The following ARHGAP31 variants were observed in gnomAD, a reference collection of about 807,000 sequenced individuals.
ARHGAP31 encodes the protein rho GTPase-activating protein 31.
In ARHGAP31, 34 loss-of-function variants were observed where a neutral mutation model predicts 113.9. The observed-to-expected ratio is 0.30, with a 90% CI of 0.23 to 0.40. ARHGAP31 has a LOEUF of 0.40. Among genes scored for constraint, ARHGAP31 ranks in the 10% least tolerant of loss-of-function variants. ARHGAP31 has a pLI of 1.00. For synonymous variants in ARHGAP31, 650 were observed against 684.8 expected, an observed-to-expected ratio of 0.95 and a Z score of 0.79; for missense variants, 1,548 against 1,767.1, an observed-to-expected ratio of 0.88 and a Z score of 2.22.
intron 3 of ARHGAP31, among the ~76,000 whole-genome samples, chr3:119,373,302 T>C (rs2080318258): frequency 6.6e-6 from 1 of 152,084 alleles, no homozygotes; most frequent in African/African-American, 2.4e-5. Context: ...CGAAGGACCT[T>C]GATAGATAAT....
intron 1 of ARHGAP31, among the ~76,000 whole-genome samples, chr3:119,306,391 T>TA (rs1052287710): frequency 4.6e-5 from 7 of 151,966 alleles, no homozygotes; most frequent in Non-Finnish European, 1.0e-4. Flanking sequence ...CCATCTCTAC[T>TA]AAAAAAATTA....
intron 6 of ARHGAP31, among the ~76,000 whole-genome samples, chr3:119,390,094 T>C (rs1254232596): frequency 6.6e-6 from 1 of 152,060 alleles, no homozygotes; most frequent in Non-Finnish European, 1.5e-5. Context: ...ACCACTGACT[T>C]GGAGAAAAGA....
rs764336285 is a variant in ARHGAP31 at position 119,393,590 on chromosome 3, G to A, written c.1005G>A (p.Ser335=). 24 of 1,613,982 alleles carry A rather than the reference G, an allele frequency of 1.5e-5. No individual in the cohort carries two copies. The highest frequency in any genetic ancestry group is 5.0e-5 in the Admixed American group (3 of 60,018). The change falls in exon 8 of 12, where the codon TCG becomes TCA. Residue 335 remains serine (S), a splice_region_variant and synonymous_variant. Transcript: ENST00000264245. ...TATTTGTGAGAGGACAGAGGCTCTC[G>A]GGTAAGAATCAACAGCAATTGTTTT... ...GSVFVRGQRL[S]VEKATIRPAK... is the part of the protein sequence containing the mutation.
At chr3:119,363,120 C>CAACCATAG (rs1224864977) in intron 1 of ARHGAP31, among the ~76,000 whole-genome samples, 1 of 152,040 alleles carries the variant, frequency 6.6e-6, no homozygotes, top group African/African-American at 2.4e-5. Flanking sequence ...TCTGCACTCT[C>CAACCATAG]AACCATAGAC....
intron 3 of ARHGAP31, among the ~76,000 whole-genome samples, chr3:119,369,811 C>T (rs554677917): frequency 6.6e-6 from 1 of 152,032 alleles, no homozygotes; most frequent in Non-Finnish European, 1.5e-5. Context: ...GTTTCTTTAA[C>T]TTTCATAAGT....
In ARHGAP31 at chr3:119,415,313, T is replaced by C; in HGVS notation, c.3384T>C (p.Ser1128=). 6.2e-7 allele frequency: 1 copy of C among 1,614,182 alleles called. No individual in the cohort carries two copies. Among genetic ancestry groups the C allele is most frequent in the Non-Finnish European group, 8.5e-7 (1 of 1,180,032 alleles). The change falls in exon 12 of 12, where the codon AGT becomes AGC. Residue 1128 remains serine, a synonymous_variant. Transcript: ENST00000264245. ...LFWFENVASF[S]SPGMQVSEPG... ...GGTTTGAGAATGTGGCCTCATTTAG[T>C]TCACCTGGAATGCAGGTCTCTGAGC...
intron 1 of ARHGAP31, among the ~76,000 whole-genome samples, chr3:119,296,752 CA>C (rs147252007): frequency 4.0e-5 from 6 of 150,132 alleles, no homozygotes; most frequent in Admixed American, 6.6e-5. Context: ...TTCATTTAGA[CA>C]AAAAAAAACA....
intron 1 of ARHGAP31, among the ~76,000 whole-genome samples, chr3:119,315,568 G>A (rs892900865): frequency 6.6e-6 from 1 of 152,174 alleles, no homozygotes; most frequent in Non-Finnish European, 1.5e-5. Context: ...CAGCTTCCCC[G>A]CTGCCACCTC....
chr3:119,325,066 G>GC, intron 1 of ARHGAP31: 1 of 431,630 alleles, frequency 2.3e-6, no homozygotes. Context: ...CACTCTCAGT[G>GC]TGTTTGGTGC....
chr3:119,374,590 C>T (rs1559983801), intron 3 of ARHGAP31, among the ~76,000 whole-genome samples: 1 of 152,142 alleles, frequency 6.6e-6, no homozygotes, highest in Non-Finnish European at 1.5e-5. Context: ...GCAGTTTTCC[C>T]TCATGCTGTT....
intron 9 of ARHGAP31, 47 bp from the exon 10 acceptor site, chr3:119,401,775 G>GT: frequency 7.6e-6 from 12 of 1,586,996 alleles, no homozygotes; most frequent in Non-Finnish European, 1.0e-5. Context: ...GCCTGCTATT[G>GT]TATGTGTGCC....
intron 1 of ARHGAP31, among the ~76,000 whole-genome samples, chr3:119,300,830 CAAA>C (rs1180971088): frequency 1.1e-5 from 1 of 88,442 alleles, no homozygotes; most frequent in Non-Finnish European, 2.3e-5. Context: ...GACTCCATCT[CAAA>C]AAAAAAAAAA....
At position 119,383,076 on chromosome 3, in the gene ARHGAP31, C is replaced by A; in HGVS notation, c.540-8C>A. The stretch of plus-strand genomic sequence containing the variant: ...TCACTAACTGAATATGTTTCTTCCA[C>A]ACGGTAGGTCTAAAGAAATTGAAGC... On this transcript the variant is annotated splice_region_variant and splice_polypyrimidine_tract_variant and intron_variant, in intron 5 of 11. Transcript: ENST00000264245. 6.2e-7 allele frequency: 1 copy of A among 1,614,092 alleles called. No homozygotes were observed. The highest frequency in any genetic ancestry group is 8.5e-7 in the Non-Finnish European group (1 of 1,180,040).
intron 1 of ARHGAP31, among the ~76,000 whole-genome samples, chr3:119,339,731 A>G (rs2079991498): frequency 6.6e-6 from 1 of 150,392 alleles, no homozygotes; most frequent in Non-Finnish European, 1.5e-5. Flanking sequence ...GGCCAAAAAA[A>G]ATGAACCTTA....
At chr3:119,330,954 G>T (rs575219346) in intron 1 of ARHGAP31, among the ~76,000 whole-genome samples, 90 of 152,324 alleles carry the variant, frequency 5.9e-4, no homozygotes, top group Non-Finnish European at 4.9e-4. Context: ...TTGCTTTCAA[G>T]CTACTTTCCT....
At chr3:119,316,994 A>G (rs1407559392) in intron 1 of ARHGAP31, among the ~76,000 whole-genome samples, 1 of 151,754 alleles carries the variant, frequency 6.6e-6, no homozygotes, top group Non-Finnish European at 1.5e-5. Flanking sequence ...TTCTGCAATC[A>G]GGTTTACTCC....
At chr3:119,325,888 G>A (rs2079837503) in intron 1 of ARHGAP31, among the ~76,000 whole-genome samples, 1 of 152,166 alleles carries the variant, frequency 6.6e-6, no homozygotes, top group Non-Finnish European at 1.5e-5. Flanking sequence ...CTAGGCATTG[G>A]TATTTTTAAA....
Position 119,294,808 on chromosome 3 carries a change from G to C in ARHGAP31, c.-97G>C. ...TCTTCCGATGCGGCCCCCCAGAGCCGCGGGGCAGCCGGTGATCTAGCCCGG... is the reference window on the plus strand; with the variant it reads ...TCTTCCGATGCGGCCCCCCAGAGCCCCGGGGCAGCCGGTGATCTAGCCCGG... On this transcript the variant is annotated 5_prime_UTR_variant, in exon 1 of 12. Coordinates refer to ENST00000264245, the MANE Select transcript of ARHGAP31 (RefSeq NM_020754.4). 8.4e-7 allele frequency: 1 copy of C among 1,188,020 alleles called. No individual in the cohort carries two copies. The highest frequency in any genetic ancestry group is 1.3e-6 in the Non-Finnish European group (1 of 798,254). The allele number at this position is 1,188,020 out of a possible 1,614,324, so 73.6% of individuals were successfully genotyped here.
intron 6 of ARHGAP31, among the ~76,000 whole-genome samples, chr3:119,383,431 G>C (rs1464432245): frequency 6.6e-6 from 1 of 152,166 alleles, no homozygotes; most frequent in Non-Finnish European, 1.5e-5. Flanking sequence ...TTTGCATGTG[G>C]CTTTAGCATG....
Sources: allele counts gnomAD v4.1 joint callset (sites outside exome capture counted in the v4.1 genomes callset), GRCh38; gene constraint gnomAD v4.1.1; transcripts MANE v1.5; gene names NCBI Gene and HGNC (gene_info 2026-07-23, HGNC 2026-07-21).